PUDP: variants seen among roughly 807,000 people sequenced by gnomAD.
PUDP encodes pseudouridine-5'-phosphatase.
A neutral mutation model predicts 9.4 loss-of-function variants in PUDP; 8 were observed. The ratio of observed to expected loss-of-function variants is 0.85; its 90% CI spans 0.50 to 1.53. The LOEUF (loss-of-function observed/expected upper bound fraction) is 1.53, where lower values mean the gene tolerates loss of function less well. PUDP is among the 40% of genes most tolerant of loss of function. PUDP has a pLI of 0.00. For synonymous variants in PUDP, 99 were observed against 80.7 expected (o/e 1.23, Z -1.22); for missense variants, 188 against 189.7 (o/e 0.99, Z 0.05).
intron 1 of PUDP, among the ~76,000 whole-genome samples, chrX:7,125,892 C>T (rs1336014407): frequency 1.8e-5 from 2 of 110,695 alleles, no homozygotes; most frequent in Non-Finnish European, 3.8e-5. Flanking sequence ...AGGTCCCTCC[C>T]ACAATACACA....
chrX:7,002,969 G>A (rs1929347973), intron 1 of PUDP, among the ~76,000 whole-genome samples: 1 of 110,414 alleles, frequency 9.1e-6, no homozygotes, highest in Admixed American at 9.6e-5. Context: ...TAGGGACACA[G>A]AGGGACCTCT....
At chrX:7,046,451 T>C (rs1456362519), downstream of PUDP, among the ~76,000 whole-genome samples, 2 of 112,320 alleles carry the variant, frequency 1.8e-5, no homozygotes, top group African/African-American at 6.5e-5. Context: ...AAATGTCTGT[T>C]GTTTAAATAC....
At chrX:6,739,323 C>A (rs1266757744) in intron 3 of PUDP, among the ~76,000 whole-genome samples, 1 of 111,929 alleles carries the variant, frequency 8.9e-6, no homozygotes, top group Non-Finnish European at 1.9e-5. Context: ...TAGAAGCCAT[C>A]AAGGACAATT....
In PUDP at chrX:6,718,028, T is replaced by C. The variant is rs1038281362; in HGVS notation, n.128+3389A>G. Among the ~76,000 whole-genome samples, 13 of 111,890 alleles carry C rather than the reference T, an allele frequency of 1.2e-4. No homozygotes were observed. The East Asian group carries it at 2.0e-3, about 17-fold the overall frequency. Reference sequence around the variant, plus strand: ...TTTTGACAAACGTCTTTTCATGTCTTCTGTCTACTTTTTAATTTTTTTTTT... The same window carrying C: ...TTTTGACAAACGTCTTTTCATGTCTCCTGTCTACTTTTTAATTTTTTTTTT... On this transcript the variant is annotated intron_variant and non_coding_transcript_variant, in intron 1 of 2. Coordinates refer to the PUDP transcript ENST00000438499.
intron 3 of PUDP, among the ~76,000 whole-genome samples, chrX:6,751,286 G>C (rs1443863614): frequency 8.9e-6 from 1 of 112,094 alleles, no homozygotes; most frequent in Non-Finnish European, 1.9e-5. Context: ...GAAAGGAAAA[G>C]GGAAGATCAG....
At chrX:6,832,646 C>A (rs1487098564) in intron 3 of PUDP, among the ~76,000 whole-genome samples, 1 of 111,734 alleles carries the variant, frequency 8.9e-6, no homozygotes, top group Non-Finnish European at 1.9e-5. Context: ...AAGCTATTTT[C>A]AGAGCTGTAG....
intron 3 of PUDP, among the ~76,000 whole-genome samples, chrX:6,926,709 C>T (rs1314430546): frequency 9.0e-6 from 1 of 111,703 alleles, no homozygotes; most frequent in African/African-American, 3.3e-5. Context: ...AAAAATAAAA[C>T]TAGGATTGTT....
At chrX:7,068,093 C>T (rs889711598) in intron 3 of PUDP, among the ~76,000 whole-genome samples, 9 of 111,524 alleles carry the variant, frequency 8.1e-5, no homozygotes, top group Admixed American at 4.8e-4. Flanking sequence ...TTATTAGAAG[C>T]GTGAAAACAG....
Position 7,049,812 on chromosome X carries a change from C to G in PUDP, c.*484G>C, listed in dbSNP as rs766680933. 9.0e-6 allele frequency: 1 copy of G among 111,556 alleles called. No individual in the cohort carries two copies. Among genetic ancestry groups the G allele is most frequent in the South Asian group, 4.0e-4 (1 of 2,523 alleles). The allele number at this position is 111,556 out of a possible 1,213,427, so 9.2% of individuals were successfully genotyped here. A position where few individuals can be genotyped will look rare whatever the true frequency, so the allele number is the denominator to read the frequency against. On this transcript the variant is annotated 3_prime_UTR_variant, in exon 4 of 4. Transcript: ENST00000381077. ...TAAAGCATATACTTATATGCATACA[C>G]AGTTTACATTTCCCAGCCAGTGTTC...
intron 1 of PUDP, among the ~76,000 whole-genome samples, chrX:7,023,858 C>A (rs1030338767): frequency 3.6e-5 from 4 of 112,100 alleles, no homozygotes; most frequent in African/African-American, 9.7e-5. Context: ...CAATGTATAT[C>A]TCCCCATTTA....
At chrX:6,831,318 T>C (rs763076878) in intron 3 of PUDP, among the ~76,000 whole-genome samples, 71 of 112,521 alleles carry the variant, frequency 6.3e-4, no homozygotes, top group African/African-American at 2.2e-3. Context: ...ATTTCTAATC[T>C]TGTGGCTAAT....
rs139166730 is a variant in PUDP at position 7,102,011 on chromosome X, T to C, written c.280+3609A>G. Among the ~76,000 whole-genome samples the C allele has an allele frequency of 9.9e-5, 11 of 110,579 alleles. No individual in the cohort carries two copies. In the East Asian group the frequency reaches 2.8e-3, roughly 29 times the overall value. On this transcript the variant is annotated intron_variant, in intron 2 of 3. Transcript: ENST00000381077. ...TGAGAAGGGGGAAAAAATGAAGACA[T>C]AGAAAATCTGAACAGATCTGTAAGT... is the stretch of plus-strand genomic sequence containing the variant.
At chrX:6,726,409 G>A (rs955578248), upstream of PUDP, among the ~76,000 whole-genome samples, 4 of 111,145 alleles carry the variant, frequency 3.6e-5, no homozygotes, top group Non-Finnish European at 5.7e-5. Flanking sequence ...TGTATTTTCA[G>A]AAAACTAGAA....
chrX:6,742,181 C>G (rs7061312), intron 3 of PUDP, among the ~76,000 whole-genome samples: 3,766 of 111,339 alleles, frequency 0.034, 192 homozygotes, highest in African/African-American at 0.12. Context: ...TTGGAGGATT[C>G]TGGATAAATA....
intron 1 of PUDP, among the ~76,000 whole-genome samples, chrX:7,125,524 T>C (rs761075459): frequency 9.0e-6 from 1 of 111,582 alleles, no homozygotes; most frequent in African/African-American, 3.3e-5. Flanking sequence ...TATTTAAAGA[T>C]CATCTTTCCT....
At chrX:7,021,099 A>G (rs1468722664) in intron 1 of PUDP, among the ~76,000 whole-genome samples, 1 of 112,661 alleles carries the variant, frequency 8.9e-6, no homozygotes, top group Admixed American at 9.4e-5. Flanking sequence ...GGAATGCTTG[A>G]TGAAGCTCTC....
chrX:6,751,058 T>C (rs992035702), intron 3 of PUDP, among the ~76,000 whole-genome samples: 25 of 108,940 alleles, frequency 2.3e-4, no homozygotes, highest in African/African-American at 4.0e-4. Context: ...AGGAGAATGG[T>C]GTGAACCGGG....
downstream of PUDP, among the ~76,000 whole-genome samples, chrX:7,048,243 T>G (rs1451334290): frequency 8.9e-6 from 1 of 112,298 alleles, no homozygotes; most frequent in East Asian, 2.8e-4. Flanking sequence ...AAGCAAACAT[T>G]AGCTGCTAGT....
intron 1 of PUDP, among the ~76,000 whole-genome samples, chrX:6,716,671 T>G (rs1267104762): frequency 2.7e-5 from 3 of 110,887 alleles, no homozygotes; most frequent in African/African-American, 9.9e-5. Flanking sequence ...CTTGCTCTGT[T>G]GCCCAGGCTG....
Sources: allele counts gnomAD v4.1 joint callset (sites outside exome capture counted in the v4.1 genomes callset), GRCh38; gene constraint gnomAD v4.1.1; transcripts MANE v1.5; gene names NCBI Gene and HGNC (gene_info 2026-07-23, HGNC 2026-07-21).